MGAT4C: variants seen among roughly 807,000 people sequenced by gnomAD.
The protein encoded by MGAT4C is alpha-1,3-mannosyl-glycoprotein 4-beta-N-acetylglucosaminyltransferase C.
A neutral mutation model predicts 40.1 loss-of-function variants in MGAT4C; 19 were observed. That is an observed-to-expected ratio of 0.47 (90% CI 0.33 to 0.70). The LOEUF is 0.70. MGAT4C is among the 30% of genes least tolerant of loss of function. The pLI is 0.02. For synonymous variants in MGAT4C, 181 were observed against 187.1 expected (o/e 0.97, Z 0.27); for missense variants, 491 against 563.2 (o/e 0.87, Z 1.30).
At chr12:86,089,734 T>G (rs1044249289) in intron 1 of MGAT4C, among the ~76,000 whole-genome samples, 2 of 151,734 alleles carry the variant, frequency 1.3e-5, no homozygotes, top group South Asian at 4.1e-4. Context: ...ATCATTTATT[T>G]TCAAGTCACA....
intron 2 of MGAT4C, among the ~76,000 whole-genome samples, chr12:86,510,626 A>G: frequency 6.6e-6 from 1 of 152,190 alleles, no homozygotes; most frequent in Non-Finnish European, 1.5e-5. Flanking sequence ...CATAGGCTCA[A>G]AATAAAGGGA....
At chr12:86,802,729 G>C (rs901410232) in intron 1 of MGAT4C, among the ~76,000 whole-genome samples, 12 of 146,684 alleles carry the variant, frequency 8.2e-5, no homozygotes, top group Middle Eastern at 3.4e-3. Flanking sequence ...ACCTCTTCAA[G>C]GAGAACTACA....
intron 2 of MGAT4C, among the ~76,000 whole-genome samples, chr12:86,437,191 C>G (rs1368323076): frequency 6.6e-6 from 1 of 151,680 alleles, no homozygotes; most frequent in South Asian, 2.1e-4. Context: ...TTGAGCTAAT[C>G]ATTTTAGAAT....
chr12:86,825,876 T>A (rs1952796592), intron 1 of MGAT4C, among the ~76,000 whole-genome samples: 1 of 151,152 alleles, frequency 6.6e-6, no homozygotes, highest in African/African-American at 2.4e-5. Context: ...AAGAAACACA[T>A]GAAAATAAGG....
At chr12:86,383,159 A>G (rs1955977969) in intron 3 of MGAT4C, among the ~76,000 whole-genome samples, 1 of 152,182 alleles carries the variant, frequency 6.6e-6, no homozygotes, top group African/African-American at 2.4e-5. Context: ...AAAGCCATAG[A>G]GGTAGAGCTG....
intron 1 of MGAT4C, among the ~76,000 whole-genome samples, chr12:86,066,131 T>C (rs777443009): frequency 6.6e-6 from 1 of 152,176 alleles, no homozygotes; most frequent in Non-Finnish European, 1.5e-5. Flanking sequence ...ATGGCCATAC[T>C]GCCCAAATTA....
intron 2 of MGAT4C, among the ~76,000 whole-genome samples, chr12:86,463,873 C>T (rs573413832): frequency 7.9e-4 from 120 of 152,144 alleles, no homozygotes; most frequent in Middle Eastern, 3.4e-3. Flanking sequence ...TGAAAAAGAA[C>T]GCAAAACTTA....
chr12:86,738,912 A>T (rs1283601719), intron 1 of MGAT4C, among the ~76,000 whole-genome samples: 1 of 151,014 alleles, frequency 6.6e-6, no homozygotes, highest in East Asian at 2.0e-4. Context: ...TATTACTGGG[A>T]AAAAGCTCTT....
At chr12:86,796,782 T>G (rs551449176) in intron 1 of MGAT4C, among the ~76,000 whole-genome samples, 1 of 151,996 alleles carries the variant, frequency 6.6e-6, no homozygotes, top group African/African-American at 2.4e-5. Context: ...ATCATGGATG[T>G]AAGTGTTCTC....
intron 2 of MGAT4C, among the ~76,000 whole-genome samples, chr12:86,441,798 A>G (rs969812831): frequency 4.6e-5 from 7 of 152,056 alleles, no homozygotes; most frequent in African/African-American, 9.7e-5. Context: ...ATAGTGCTGC[A>G]ATAAACATAC....
At chr12:86,603,452 G>A (rs1961873272) in intron 2 of MGAT4C, among the ~76,000 whole-genome samples, 2 of 114,554 alleles carry the variant, frequency 1.7e-5, no homozygotes, top group African/African-American at 7.7e-5. Context: ...ATAGTCTATA[G>A]ACTATATAAT....
At chr12:86,698,672 G>A (rs1950302043) in intron 2 of MGAT4C, among the ~76,000 whole-genome samples, 1 of 151,368 alleles carries the variant, frequency 6.6e-6, no homozygotes, top group Admixed American at 6.6e-5. Flanking sequence ...ATGTACAGCT[G>A]AGCTGTGGGG....
intron 2 of MGAT4C, among the ~76,000 whole-genome samples, chr12:86,502,908 G>A (rs1472027986): frequency 1.3e-4 from 2 of 15,276 alleles, no homozygotes; most frequent in African/African-American, 2.0e-4. Context: ...ATATATATAT[G>A]AGTTCTGCTC....
chr12:86,278,016 T>A (rs1592636288), intron 4 of MGAT4C, among the ~76,000 whole-genome samples: 1 of 152,120 alleles, frequency 6.6e-6, no homozygotes, highest in Admixed American at 6.5e-5. Flanking sequence ...ATTCTTACAA[T>A]CCAGGGAACA....
chr12:86,545,506 C>T (rs1276085117), intron 2 of MGAT4C, among the ~76,000 whole-genome samples: 1 of 151,630 alleles, frequency 6.6e-6, no homozygotes, highest in Non-Finnish European at 1.5e-5. Flanking sequence ...TATTACATCT[C>T]GTTGCCAGAT....
intron 2 of MGAT4C, among the ~76,000 whole-genome samples, chr12:86,029,696 C>T (rs1352402703): frequency 4.0e-5 from 6 of 151,662 alleles, no homozygotes; most frequent in Non-Finnish European, 7.4e-5. Context: ...ATACTGTTGC[C>T]CATGATATTA....
chr12:86,003,474 C>G (rs1378133681), intron 2 of MGAT4C, among the ~76,000 whole-genome samples: 1 of 152,080 alleles, frequency 6.6e-6, no homozygotes. Flanking sequence ...CTCAAGACAG[C>G]CATAAAACCA....
At chr12:86,684,150 C>A (rs1043474607) in intron 2 of MGAT4C, among the ~76,000 whole-genome samples, 1 of 152,006 alleles carries the variant, frequency 6.6e-6, no homozygotes, top group Non-Finnish European at 1.5e-5. Flanking sequence ...CCGAGGCGGG[C>A]AGATCACTTG....
At chr12:86,824,787 G>C (rs995714002) in intron 1 of MGAT4C, among the ~76,000 whole-genome samples, 4 of 145,438 alleles carry the variant, frequency 2.8e-5, no homozygotes, top group African/African-American at 1.0e-4. Flanking sequence ...AAAAATACAA[G>C]TTTTTTATAT....
Sources: gnomAD v4.1 joint callset for allele counts (sites outside exome capture counted in the v4.1 genomes callset) on GRCh38, gnomAD v4.1.1 for gene constraint, MANE v1.5 for transcripts, NCBI Gene and HGNC (gene_info 2026-07-23, HGNC 2026-07-21) for gene names.